The following CTNNA3 variants were observed in gnomAD, a reference collection of about 807,000 sequenced individuals.
CTNNA3 encodes the protein catenin alpha-3.
CTNNA3 carries 76 observed loss-of-function variants against 95.7 expected under a neutral mutation model. The ratio of observed to expected loss-of-function variants is 0.79; its 90% CI spans 0.66 to 0.96. CTNNA3 has a LOEUF of 0.96. Ranked by LOEUF, CTNNA3 falls within the 40% of genes least tolerant of loss-of-function variation. The pLI is 0.00. For synonymous variants in CTNNA3, 431 were observed against 374.4 expected, an observed-to-expected ratio of 1.15 and a Z score of -1.74; for missense variants, 1,191 against 1,089.8, an observed-to-expected ratio of 1.09 and a Z score of -1.31.
At chr10:66,970,424 G>A (rs1222199843) in intron 7 of CTNNA3, among the ~76,000 whole-genome samples, 2 of 147,398 alleles carry the variant, frequency 1.4e-5, no homozygotes, top group African/African-American at 5.0e-5. Context: ...TTCCCAGACA[G>A]TCATGGTAAT....
chr10:66,337,943 A>T (rs539804129), intron 12 of CTNNA3, among the ~76,000 whole-genome samples: 2 of 152,180 alleles, frequency 1.3e-5, no homozygotes, highest in Admixed American at 6.5e-5. Context: ...TGCATAGCCT[A>T]GGTATCCATA....
Position 65,947,537 on chromosome 10 carries a change from T to C in CTNNA3, c.2400+19075A>G, listed in dbSNP as rs182587834. On this transcript the variant is annotated intron_variant, in intron 17 of 17. Coordinates refer to ENST00000433211, the MANE Select transcript of CTNNA3 (RefSeq NM_013266.4). ...TTTCCCTCCTGGAAGGTATTTATTG[T>C]CCAGTGAGCAACCTTTCTATTCTTC... Among the ~76,000 whole-genome samples the C allele has an allele frequency of 2.0e-5, 3 of 152,320 alleles. No individual in the cohort carries two copies. In the East Asian group the frequency reaches 5.8e-4, roughly 29 times the overall value.
intron 5 of CTNNA3, among the ~76,000 whole-genome samples, chr10:67,299,609 T>C (rs906407058): frequency 2.6e-4 from 39 of 152,314 alleles, no homozygotes; most frequent in African/African-American, 8.9e-4. Context: ...GTCATCCCCA[T>C]ATGGGGTTTT....
At chr10:66,591,873 A>G (rs927608793) in intron 10 of CTNNA3, among the ~76,000 whole-genome samples, 1 of 152,110 alleles carries the variant, frequency 6.6e-6, no homozygotes, top group Non-Finnish European at 1.5e-5. Flanking sequence ...TGAACACTAT[A>G]TTTCTTTAAC....
chr10:66,864,135 T>C (rs992041140), intron 7 of CTNNA3, among the ~76,000 whole-genome samples: 6 of 152,190 alleles, frequency 3.9e-5, no homozygotes, highest in Non-Finnish European at 8.8e-5. Flanking sequence ...ATAGCTCATA[T>C]GCTATGGTTG....
chr10:67,397,417 G>T (rs1844746055), intron 5 of CTNNA3, among the ~76,000 whole-genome samples: 1 of 152,160 alleles, frequency 6.6e-6, no homozygotes, highest in Non-Finnish European at 1.5e-5. Context: ...TTTTGCCCCT[G>T]CCCTAGAGAC....
intron 5 of CTNNA3, among the ~76,000 whole-genome samples, chr10:67,472,266 T>A (rs1426300519): frequency 6.6e-6 from 1 of 152,228 alleles, no homozygotes; most frequent in Non-Finnish European, 1.5e-5. Context: ...TACACAGAGA[T>A]ATGAATACTA....
intron 11 of CTNNA3, among the ~76,000 whole-genome samples, chr10:66,483,235 G>A (rs1839604338): frequency 1.3e-5 from 2 of 152,162 alleles, no homozygotes; most frequent in South Asian, 4.1e-4. Context: ...TTTTGGAGAA[G>A]CAGTTTCTTC....
At position 67,262,738 on chromosome 10, in the gene CTNNA3, A is replaced by G. The variant is rs7901251; in HGVS notation, c.580-42868T>C. ...AAAAAGGGGAACAAATTAAACAACA[A>G]TATAAAACCCAAATTGATTTAAAAC... On this transcript the variant is annotated intron_variant, in intron 5 of 17. Coordinates refer to ENST00000433211, the MANE Select transcript of CTNNA3 (RefSeq NM_013266.4). 4.6e-3 allele frequency among the ~76,000 whole-genome samples: 695 copies of G among 152,330 alleles called. 6 individuals are homozygous for G. The highest frequency in any genetic ancestry group is 0.016 in the African/African-American group (649 of 41,572).
intron 1 of CTNNA3, among the ~76,000 whole-genome samples, chr10:67,690,129 G>T (rs1840814322): frequency 6.6e-6 from 1 of 152,126 alleles, no homozygotes; most frequent in Admixed American, 6.5e-5. Context: ...CCTTCCGGTG[G>T]GTTCGTGGTC....
intron 7 of CTNNA3, among the ~76,000 whole-genome samples, chr10:67,048,814 T>C (rs957212112): frequency 6.6e-6 from 1 of 152,062 alleles, no homozygotes; most frequent in African/African-American, 2.4e-5. Flanking sequence ...CATAACATAA[T>C]AGTAACATGA....
At chr10:66,708,967 G>T (rs1848207431) in intron 9 of CTNNA3, among the ~76,000 whole-genome samples, 1 of 151,960 alleles carries the variant, frequency 6.6e-6, no homozygotes, top group Admixed American at 6.6e-5. Flanking sequence ...ACTCCAGTGA[G>T]CTTTTATTCT....
At chr10:66,894,911 T>A (rs1845415304) in intron 7 of CTNNA3, among the ~76,000 whole-genome samples, 1 of 151,636 alleles carries the variant, frequency 6.6e-6, no homozygotes, top group Non-Finnish European at 1.5e-5. Context: ...GTATATATAG[T>A]AGGCGTTTCA....
At chr10:67,347,179 A>G (rs537009522) in intron 5 of CTNNA3, among the ~76,000 whole-genome samples, 1 of 151,602 alleles carries the variant, frequency 6.6e-6, no homozygotes, top group South Asian at 2.1e-4. Flanking sequence ...CCTCCCAAGT[A>G]GCTGGGACTA....
chr10:67,566,466 A>G (rs1452067047), intron 3 of CTNNA3, among the ~76,000 whole-genome samples: 4 of 152,094 alleles, frequency 2.6e-5, no homozygotes, highest in Non-Finnish European at 4.4e-5. Context: ...CAAAACCACA[A>G]TGAGGTACCA....
At chr10:66,378,708 A>G (rs1051403916) in intron 12 of CTNNA3, among the ~76,000 whole-genome samples, 1 of 152,206 alleles carries the variant, frequency 6.6e-6, no homozygotes, top group African/African-American at 2.4e-5. Context: ...CTGTTTTGCA[A>G]ACAGACTGCA....
intron 1 of CTNNA3, among the ~76,000 whole-genome samples, chr10:67,748,522 G>A (rs527809763): frequency 5.3e-5 from 8 of 152,226 alleles, no homozygotes; most frequent in Admixed American, 2.0e-4. Flanking sequence ...AAGCAAAGGA[G>A]AAATAAAATA....
intron 12 of CTNNA3, among the ~76,000 whole-genome samples, chr10:66,354,045 A>G (rs138608599): frequency 0.035 from 5,368 of 152,140 alleles, 316 homozygotes; most frequent in African/African-American, 0.12. Flanking sequence ...CAGTTTGGGA[A>G]GCCAAGGCAG....
chr10:66,141,123 G>A (rs184420908), intron 13 of CTNNA3, among the ~76,000 whole-genome samples: 20 of 152,114 alleles, frequency 1.3e-4, no homozygotes, highest in Middle Eastern at 3.4e-3. Context: ...GCCTGGCATG[G>A]TGGTGCATGC....
Sources: allele counts gnomAD v4.1 joint callset (sites outside exome capture counted in the v4.1 genomes callset), GRCh38; gene constraint gnomAD v4.1.1; transcripts MANE v1.5; gene names NCBI Gene and HGNC (gene_info 2026-07-23, HGNC 2026-07-21).